The following MACROD2 variants were observed in gnomAD, a reference collection of about 807,000 sequenced individuals.
MACROD2 encodes ADP-ribose glycohydrolase MACROD2.
In MACROD2, 36 loss-of-function variants were observed where a neutral mutation model predicts 70.4. The ratio of observed to expected loss-of-function variants is 0.51; its 90% confidence interval spans 0.39 to 0.68. The LOEUF (loss-of-function observed/expected upper bound fraction) is 0.68, where lower values mean the gene tolerates loss of function less well. Ranked by LOEUF, MACROD2 falls within the 30% of genes least tolerant of loss-of-function variation. The probability of loss-of-function intolerance (pLI) is 0.00; values close to 1 mark genes in which losing one functional copy is unlikely to be tolerated. For missense variants in MACROD2, 496 were observed against 538.4 expected (o/e 0.92, Z 0.78); for synonymous variants, 172 against 178.8 (o/e 0.96, Z 0.30).
chr20:15,529,421 A>G (rs938436887), intron 8 of MACROD2, among the ~76,000 whole-genome samples: 1 of 152,000 alleles, frequency 6.6e-6, no homozygotes, highest in African/African-American at 2.4e-5. Context: ...TATACTATAT[A>G]TATATTTGTG....
At chr20:14,564,182 A>G (rs6074757) in intron 4 of MACROD2, among the ~76,000 whole-genome samples, 81,485 of 151,774 alleles carry the variant, frequency 0.54, 23,356 homozygotes, top group East Asian at 0.65. Flanking sequence ...TGTACTGTAT[A>G]TAAAAATTAA....
intron 5 of MACROD2, among the ~76,000 whole-genome samples, chr20:14,886,458 G>A (rs1415354961): frequency 6.6e-6 from 1 of 152,166 alleles, no homozygotes; most frequent in Non-Finnish European, 1.5e-5. Context: ...CATTGGGAAA[G>A]TTTGAGAAGA....
At chr20:15,824,565 T>C (rs1021099829) in intron 8 of MACROD2, among the ~76,000 whole-genome samples, 1 of 152,206 alleles carries the variant, frequency 6.6e-6, no homozygotes, top group Non-Finnish European at 1.5e-5. Context: ...TACTGCAGCC[T>C]ATTCATGACA....
At chr20:14,855,485 G>A (rs78267499) in intron 5 of MACROD2, among the ~76,000 whole-genome samples, 2 of 151,170 alleles carry the variant, frequency 1.3e-5, no homozygotes, top group Admixed American at 1.3e-4. Context: ...ATTTTCCACT[G>A]AATCTGTCCA....
At chr20:15,405,731 C>T (rs2045991355) in intron 6 of MACROD2, among the ~76,000 whole-genome samples, 1 of 152,272 alleles carries the variant, frequency 6.6e-6, no homozygotes, top group Non-Finnish European at 1.5e-5. Context: ...CTTCCTACCC[C>T]GACCTTCATA....
At chr20:14,745,628 T>C (rs2123727220) in intron 5 of MACROD2, among the ~76,000 whole-genome samples, 1 of 152,340 alleles carries the variant, frequency 6.6e-6, no homozygotes, top group African/African-American at 2.4e-5. Flanking sequence ...ATTGGGTTGT[T>C]ATGAGGCTTT....
intron 7 of MACROD2, among the ~76,000 whole-genome samples, chr20:15,498,087 G>A (rs1213294533): frequency 2.0e-5 from 3 of 152,172 alleles, no homozygotes; most frequent in African/African-American, 7.2e-5. Context: ...ACATTGCAAA[G>A]GTTCAAGAAC....
intron 5 of MACROD2, among the ~76,000 whole-genome samples, chr20:14,865,981 T>C (rs1432245719): frequency 6.6e-6 from 1 of 152,136 alleles, no homozygotes; most frequent in African/African-American, 2.4e-5. Context: ...TGTTAGAGTA[T>C]GTATAGAGGT....
At chr20:14,000,075 C>G (rs1185665295) in intron 1 of MACROD2, among the ~76,000 whole-genome samples, 2 of 152,210 alleles carry the variant, frequency 1.3e-5, no homozygotes, top group Non-Finnish European at 2.9e-5. Flanking sequence ...CCCATGGTGA[C>G]AACTACGATT....
intron 6 of MACROD2, among the ~76,000 whole-genome samples, chr20:15,329,955 C>T (rs1016902328): frequency 2.0e-5 from 3 of 152,034 alleles, no homozygotes; most frequent in Admixed American, 6.6e-5. Context: ...GAGGTGCCTT[C>T]GCTATACCCA....
intron 5 of MACROD2, among the ~76,000 whole-genome samples, chr20:14,717,814 G>T (rs904229047): frequency 6.6e-6 from 1 of 152,094 alleles, no homozygotes; most frequent in African/African-American, 2.4e-5. Flanking sequence ...ATGTTATCAG[G>T]CCCTTTGACC....
At chr20:14,681,258 A>G (rs1047688469) in intron 4 of MACROD2, among the ~76,000 whole-genome samples, 3 of 152,196 alleles carry the variant, frequency 2.0e-5, no homozygotes, top group Admixed American at 6.5e-5. Context: ...ATTTCACTCA[A>G]TGATATTTGT....
chr20:14,025,990 T>C (rs1284168067), intron 2 of MACROD2, among the ~76,000 whole-genome samples: 1 of 152,214 alleles, frequency 6.6e-6, no homozygotes, highest in Non-Finnish European at 1.5e-5. Flanking sequence ...AGTCTCTTTA[T>C]AGGTCTCTAA....
intron 3 of MACROD2, among the ~76,000 whole-genome samples, chr20:14,334,005 C>T (rs1201025962): frequency 6.6e-6 from 1 of 152,318 alleles, no homozygotes. Flanking sequence ...AGAGCAATTT[C>T]TCCCTCCTTT....
At chr20:14,158,293 A>G (rs992060652) in intron 3 of MACROD2, among the ~76,000 whole-genome samples, 1 of 152,040 alleles carries the variant, frequency 6.6e-6, no homozygotes, top group Non-Finnish European at 1.5e-5. Context: ...TTCTCAAACT[A>G]TTGAGTTGTT....
chr20:14,896,817 C>T (rs2073835878), intron 5 of MACROD2, among the ~76,000 whole-genome samples: 1 of 151,996 alleles, frequency 6.6e-6, no homozygotes, highest in South Asian at 2.1e-4. Context: ...TCCTACCATA[C>T]TCTAGTCCAG....
chr20:14,258,749 C>T lies in MACROD2; in HGVS notation c.271+173021C>T, dbSNP rs148325518. The stretch of plus-strand genomic sequence containing the variant: ...CATCGATTCATTTTTGTTTTTGTTG[C>T]ATTTGCTTTTGGGTTCTTTGTCATG... On this transcript the variant is annotated intron_variant, in intron 3 of 17. Transcript: ENST00000684519. Among the ~76,000 whole-genome samples the T allele has an allele frequency of 6.2e-3, 942 of 152,110 alleles. 15 individuals are homozygous for T. The highest frequency in any genetic ancestry group is 0.021 in the African/African-American group (891 of 41,504).
chr20:15,127,599 G>A lies in MACROD2; in HGVS notation c.419-102341G>A, dbSNP rs548049184. Among the ~76,000 whole-genome samples, 103 of 152,126 alleles carry A rather than the reference G, an allele frequency of 6.8e-4. No homozygotes were observed. In the South Asian group the frequency reaches 7.0e-3, roughly 10 times the overall value. On this transcript the variant is annotated intron_variant, in intron 5 of 17. Coordinates refer to ENST00000684519, the MANE Select transcript of MACROD2 (RefSeq NM_001351661.2). ...AGGCTTACTGATGTGGTTGTTTATA[G>A]GAGGCTTCAGTTCTTCTCCTTATGG...
At chr20:14,656,837 C>T (rs1986000705) in intron 4 of MACROD2, among the ~76,000 whole-genome samples, 1 of 151,988 alleles carries the variant, frequency 6.6e-6, no homozygotes, top group Non-Finnish European at 1.5e-5. Flanking sequence ...GATGTCTGTC[C>T]TCTATTTTGG....
Sources: allele counts gnomAD v4.1 joint callset (sites outside exome capture counted in the v4.1 genomes callset), GRCh38; gene constraint gnomAD v4.1.1; transcripts MANE v1.5; gene names NCBI Gene and HGNC (gene_info 2026-07-23, HGNC 2026-07-21).